The following PCCA variants were observed in gnomAD, a reference collection of about 807,000 sequenced individuals.
PCCA encodes the protein propionyl-CoA carboxylase subunit alpha, also known as propionyl-CoA carboxylase alpha chain, mitochondrial.
PCCA carries 74 observed loss-of-function variants against 101.3 expected under a neutral mutation model. That is an observed-to-expected ratio of 0.73 (90% CI 0.61 to 0.89). The LOEUF is 0.89. Ranked by LOEUF, PCCA falls within the 40% of genes least tolerant of loss-of-function variation. The probability of loss-of-function intolerance (pLI) is 0.00; values close to 1 mark genes in which losing one functional copy is unlikely to be tolerated. For missense variants in PCCA, 891 were observed against 907.0 expected, an observed-to-expected ratio of 0.98 and a Z score of 0.23; for synonymous variants, 294 against 313.6, an observed-to-expected ratio of 0.94 and a Z score of 0.66.
intron 20 of PCCA, among the ~76,000 whole-genome samples, chr13:100,446,018 T>C (rs1214950520): frequency 2.6e-5 from 4 of 152,146 alleles, no homozygotes; most frequent in African/African-American, 9.7e-5. Context: ...CTGAATCTTG[T>C]TCATGTTTTT....
At chr13:100,315,243 T>G (rs1350208945) in intron 16 of PCCA, among the ~76,000 whole-genome samples, 1 of 152,028 alleles carries the variant, frequency 6.6e-6, no homozygotes, top group Admixed American at 6.5e-5. Context: ...TCAAAATAAT[T>G]TTGAATTTTT....
chr13:100,364,871 C>T (rs975129427), intron 18 of PCCA, among the ~76,000 whole-genome samples: 2 of 152,016 alleles, frequency 1.3e-5, no homozygotes, highest in African/African-American at 2.4e-5. Context: ...GGCGTCATAG[C>T]GAGATCCACC....
chr13:100,097,207 T>A (rs1431499589), intron 1 of PCCA, among the ~76,000 whole-genome samples: 1 of 152,238 alleles, frequency 6.6e-6, no homozygotes, highest in East Asian at 1.9e-4. Flanking sequence ...GACTGATCCA[T>A]GAAGACAGAA....
chr13:100,276,671 T>C (rs2152607951), intron 12 of PCCA, among the ~76,000 whole-genome samples: 1 of 152,328 alleles, frequency 6.6e-6, no homozygotes, highest in Admixed American at 6.5e-5. Flanking sequence ...CTGTATTTAA[T>C]TAATTAATCA....
intron 19 of PCCA, among the ~76,000 whole-genome samples, chr13:100,388,534 G>A (rs1390188628): frequency 1.3e-5 from 2 of 152,202 alleles, no homozygotes; most frequent in Admixed American, 6.5e-5. Context: ...AATGGCTCAC[G>A]CCTGTAATCC....
intron 7 of PCCA, among the ~76,000 whole-genome samples, chr13:100,223,080 A>G (rs934305385): frequency 3.9e-5 from 6 of 152,202 alleles, no homozygotes; most frequent in Non-Finnish European, 8.8e-5. Context: ...TCAACATTTC[A>G]TTACCTTGAT....
At chr13:100,226,924 C>T (rs1179325298) in intron 7 of PCCA, among the ~76,000 whole-genome samples, 1 of 152,166 alleles carries the variant, frequency 6.6e-6, no homozygotes, top group East Asian at 1.9e-4. Flanking sequence ...ATGAGGAAAC[C>T]GAATACCAGA....
intron 19 of PCCA, among the ~76,000 whole-genome samples, chr13:100,372,414 A>T (rs116682325): frequency 0.031 from 4,719 of 152,240 alleles, 237 homozygotes; most frequent in African/African-American, 0.11. Flanking sequence ...AAAAGCTTCA[A>T]GGTATTGGAT....
intron 19 of PCCA, among the ~76,000 whole-genome samples, chr13:100,414,054 A>G (rs1031978037): frequency 3.3e-5 from 5 of 152,230 alleles, no homozygotes; most frequent in South Asian, 2.1e-4. Context: ...AAACTAGCCA[A>G]CCTGACTGAT....
intron 21 of PCCA, among the ~76,000 whole-genome samples, chr13:100,485,311 G>A (rs2084287018): frequency 6.6e-6 from 1 of 152,198 alleles, no homozygotes; most frequent in Admixed American, 6.5e-5. Flanking sequence ...CTCTTTGAGT[G>A]TTTGCCTAGA....
chr13:100,188,887 CT>C (rs1277668876), intron 6 of PCCA, among the ~76,000 whole-genome samples: 15 of 147,574 alleles, frequency 1.0e-4, no homozygotes, highest in East Asian at 2.0e-4. Context: ...CCTTAGCCCA[CT>C]TTTTTTTTTT....
intron 6 of PCCA, among the ~76,000 whole-genome samples, chr13:100,179,700 C>T (rs1280506187): frequency 6.6e-6 from 1 of 151,954 alleles, no homozygotes; most frequent in Non-Finnish European, 1.5e-5. Context: ...GAAGGGTCAT[C>T]CTCTTCCCAC....
chr13:100,097,713 G>A (rs1417315504), intron 1 of PCCA, among the ~76,000 whole-genome samples: 4 of 152,058 alleles, frequency 2.6e-5, no homozygotes, highest in Non-Finnish European at 2.9e-5. Flanking sequence ...GTGAGACTCC[G>A]TCTCAAAAAA....
chr13:100,092,594 A>G (rs572696163), intron 1 of PCCA, among the ~76,000 whole-genome samples: 5 of 151,980 alleles, frequency 3.3e-5, no homozygotes, highest in African/African-American at 4.8e-5. Flanking sequence ...GGGTTTTGCT[A>G]TGTTGCCCAG....
intron 6 of PCCA, among the ~76,000 whole-genome samples, chr13:100,201,980 G>A (rs1433352628): frequency 6.7e-6 from 1 of 149,998 alleles, no homozygotes; most frequent in Non-Finnish European, 1.5e-5. Flanking sequence ...ATGAGTTCTT[G>A]CATGTTGTTA....
At chr13:100,100,914 C>T (rs985476265) in intron 1 of PCCA, among the ~76,000 whole-genome samples, 1 of 152,104 alleles carries the variant, frequency 6.6e-6, no homozygotes, top group Non-Finnish European at 1.5e-5. Flanking sequence ...AGCGATTCTC[C>T]TGCCTCAGCC....
chr13:100,248,679 A>C (rs1487655745), intron 8 of PCCA, among the ~76,000 whole-genome samples: 2 of 151,918 alleles, frequency 1.3e-5, no homozygotes, highest in Non-Finnish European at 2.9e-5. Context: ...AGCTCTGTGT[A>C]TTTTGGATAC....
At chr13:100,218,323 C>T (rs2059630810) in intron 7 of PCCA, among the ~76,000 whole-genome samples, 1 of 151,052 alleles carries the variant, frequency 6.6e-6, no homozygotes, top group Admixed American at 6.6e-5. Context: ...AGGCACCCAC[C>T]ACCATGTCTG....
At chr13:100,376,324 G>T (rs2075900230) in intron 19 of PCCA, among the ~76,000 whole-genome samples, 2 of 152,224 alleles carry the variant, frequency 1.3e-5, no homozygotes, top group Admixed American at 1.3e-4. Context: ...GAGGCATTGG[G>T]GTAAGGGACC....
Sources: allele counts gnomAD v4.1 joint callset (sites outside exome capture counted in the v4.1 genomes callset), GRCh38; gene constraint gnomAD v4.1.1; transcripts MANE v1.5; gene names NCBI Gene and HGNC (gene_info 2026-07-23, HGNC 2026-07-21).